VPS13B: variants seen among roughly 807,000 people sequenced by gnomAD.
VPS13B encodes the protein intermembrane lipid transfer protein VPS13B.
In VPS13B, 285 loss-of-function variants were observed where a neutral mutation model predicts 426.4. That is an observed-to-expected ratio of 0.67 (90% CI 0.61 to 0.74). VPS13B has a LOEUF of 0.74. Ranked by LOEUF, VPS13B falls within the 30% of genes least tolerant of loss-of-function variation. The probability of loss-of-function intolerance (pLI) is 0.00; values close to 1 mark genes in which losing one functional copy is unlikely to be tolerated. For missense variants in VPS13B, 4,537 were observed against 4,782.6 expected (o/e 0.95, Z 1.51); for synonymous variants, 1,676 against 1,676.4 (o/e 1.00, Z 0.01).
chr8:99,766,923 T>G lies in VPS13B; in HGVS notation c.7200T>G (p.Leu2400=), dbSNP rs762034638. ...NDQKKLVSSD[L]WRIVLNSSQN... ...AGAAGAAATTAGTATCTTCAGATCTTTGGAGAATTGTCTTGAACAGCAGTC... is the reference window on the plus strand; with the variant it reads ...AGAAGAAATTAGTATCTTCAGATCTGTGGAGAATTGTCTTGAACAGCAGTC... The change falls in exon 40 of 62, where the codon CTT becomes CTG. Residue 2400 remains leucine, a synonymous_variant. Transcript: ENST00000357162. 2.5e-6 allele frequency: 4 copies of G among 1,613,958 alleles called. No homozygotes were observed. In the East Asian group the frequency reaches 6.7e-5, roughly 27 times the overall value.
intron 33 of VPS13B, among the ~76,000 whole-genome samples, chr8:99,630,788 T>C (rs1297265286): frequency 6.6e-6 from 1 of 152,108 alleles, no homozygotes; most frequent in African/African-American, 2.4e-5. Context: ...GGCAGTGCTA[T>C]ATGGGATATA....
chr8:99,229,576 T>C (rs1437324730), intron 17 of VPS13B, among the ~76,000 whole-genome samples: 3 of 152,172 alleles, frequency 2.0e-5, no homozygotes, highest in Non-Finnish European at 4.4e-5. Flanking sequence ...AACAGACATG[T>C]CCTTGTTCTC....
intron 17 of VPS13B, among the ~76,000 whole-genome samples, chr8:99,236,363 A>G (rs1284782521): frequency 2.0e-5 from 3 of 151,574 alleles, no homozygotes; most frequent in Non-Finnish European, 4.4e-5. Context: ...AATTCTCCTG[A>G]CTCAGTCTCC....
At chr8:99,514,934 C>T (rs567479491) in intron 29 of VPS13B, among the ~76,000 whole-genome samples, 1 of 152,316 alleles carries the variant, frequency 6.6e-6, no homozygotes, top group South Asian at 2.1e-4. Context: ...AATGTGCAGG[C>T]ATAGTTCAGT....
chr8:99,675,562 C>G (rs954857244), intron 35 of VPS13B, among the ~76,000 whole-genome samples: 5 of 152,086 alleles, frequency 3.3e-5, no homozygotes, highest in Non-Finnish European at 7.4e-5. Context: ...TATCTCTATT[C>G]TCTCTTGAAT....
intron 44 of VPS13B, among the ~76,000 whole-genome samples, chr8:99,815,837 G>A (rs935660597): frequency 2.6e-5 from 4 of 152,056 alleles, no homozygotes; most frequent in African/African-American, 9.7e-5. Flanking sequence ...GAAAACATTT[G>A]TTGTTTTTTG....
chr8:99,632,310 A>G (rs529659827), intron 33 of VPS13B, among the ~76,000 whole-genome samples: 1 of 152,096 alleles, frequency 6.6e-6, no homozygotes, highest in African/African-American at 2.4e-5. Flanking sequence ...TTGATATTTG[A>G]GAGGAAGAAT....
Position 99,511,194 on chromosome 8 carries a change from A to C in VPS13B, c.4315A>C (p.Lys1439Gln). The change falls in exon 29 of 62, where the codon AAG (lysine) becomes CAG (glutamine). Residue 1439 changes from lysine (K) to glutamine (Q), a missense_variant. By Grantham distance (53) the Lys-to-Gln change is moderately conservative (BLOSUM62 1). Transcript: ENST00000357162. The stretch of plus-strand genomic sequence containing the variant: ...AGCTGTAACAAAAAATGTCCGCCAC[A>C]AGTTAACATCAAGAAATGAGCGAAG... The part of the protein sequence containing the change: ...TKAVTKNVRH[K>Q]LTSRNERRSF... The C allele has an allele frequency of 6.2e-7, 1 of 1,614,120 alleles. No homozygotes were observed. The highest frequency in any genetic ancestry group is 8.5e-7 in the Non-Finnish European group (1 of 1,180,014).
chr8:99,393,050 A>C (rs117391160), intron 21 of VPS13B, among the ~76,000 whole-genome samples: 2,158 of 152,196 alleles, frequency 0.014, 20 homozygotes, highest in Non-Finnish European at 0.021. Context: ...ATCACCTTTT[A>C]GTTAAGAAAA....
chr8:99,025,283 T>C (rs1338023038), intron 2 of VPS13B, among the ~76,000 whole-genome samples: 1 of 152,198 alleles, frequency 6.6e-6, no homozygotes, highest in Non-Finnish European at 1.5e-5. Context: ...AAAAATTTTT[T>C]TCCCTTGCTT....
At chr8:99,742,911 G>A (rs1464334943) in intron 39 of VPS13B, among the ~76,000 whole-genome samples, 1 of 152,140 alleles carries the variant, frequency 6.6e-6, no homozygotes, top group Non-Finnish European at 1.5e-5. Flanking sequence ...TTTGAAAACT[G>A]GCACAAGACA....
At chr8:99,374,401 C>T (rs1157358725) in intron 19 of VPS13B, among the ~76,000 whole-genome samples, 1 of 151,860 alleles carries the variant, frequency 6.6e-6, no homozygotes, top group African/African-American at 2.4e-5. Flanking sequence ...GCTAAAATTT[C>T]CCTTCAATTC....
chr8:99,260,878 A>G (rs1239661467), intron 17 of VPS13B, among the ~76,000 whole-genome samples: 2 of 151,492 alleles, frequency 1.3e-5, no homozygotes, highest in Admixed American at 1.3e-4. Context: ...GAATTATGAC[A>G]TAGTAGATCA....
intron 4 of VPS13B, 107 bp from the exon 5 acceptor site, chr8:99,102,846 C>A: frequency 8.7e-7 from 1 of 1,148,458 alleles, no homozygotes; most frequent in Non-Finnish European, 1.3e-6. Context: ...GGGAAATATG[C>A]TAAATAATAA....
intron 19 of VPS13B, chr8:99,341,451 C>G (rs193147745): frequency 2.7e-4 from 42 of 157,946 alleles, no homozygotes; most frequent in African/African-American, 9.9e-4. Flanking sequence ...ATTTTTCATC[C>G]TTGTCTTCAC....
chr8:99,287,570 A>G (rs2133036891), intron 19 of VPS13B, among the ~76,000 whole-genome samples: 1 of 152,160 alleles, frequency 6.6e-6, no homozygotes, highest in African/African-American at 2.4e-5. Flanking sequence ...TAAAAATCTA[A>G]AATATTGTGA....
chr8:99,859,293 G>C lies in VPS13B; in HGVS notation c.10868-11G>C, dbSNP rs373157768. 6.2e-6 allele frequency: 10 copies of C among 1,613,120 alleles called. No individual in the cohort carries two copies. In the African/African-American group the frequency reaches 1.3e-4, roughly 22 times the overall value. ...AGGTTTCAATCACCCCTTCCCTCTT[G>C]TGCGTTGCAGGCTGGGTAGTTGGGT... On this transcript the variant is annotated splice_polypyrimidine_tract_variant and intron_variant, in intron 56 of 61. Transcript: ENST00000357162.
intron 39 of VPS13B, among the ~76,000 whole-genome samples, chr8:99,737,273 A>G (rs947972092): frequency 4.6e-5 from 7 of 150,836 alleles, no homozygotes; most frequent in African/African-American, 1.7e-4. Context: ...GGTGCCCGCC[A>G]CCACGCCCGG....
rs11405601 is a variant in VPS13B, at chr8:99,678,569, GT to G, written c.6046+17090del. On this transcript the variant is annotated intron_variant, in intron 35 of 61. Transcript: ENST00000357162. ...TGCTTATTTGGCTTAATCTGATTCT[GT>G]TTTTTTTTTTTAAGAAAAACTGTTT... is the stretch of plus-strand genomic sequence containing the variant. Among the ~76,000 whole-genome samples, 55 of 143,308 alleles carry G rather than the reference GT, an allele frequency of 3.8e-4. 1 individual carries two copies. Among genetic ancestry groups the G allele is most frequent in the South Asian group, 6.7e-4 (3 of 4,490 alleles). 94.0% of individuals were successfully genotyped at this position (143,308 alleles called of 152,430 possible).
Sources: allele counts gnomAD v4.1 joint callset (sites outside exome capture counted in the v4.1 genomes callset), GRCh38; gene constraint gnomAD v4.1.1; transcripts MANE v1.5; gene names NCBI Gene and HGNC (gene_info 2026-07-23, HGNC 2026-07-21).